PIWIL2: variants seen among roughly 807,000 people sequenced by gnomAD.
PIWIL2 encodes the protein piwi-like protein 2.
Under a neutral mutation model 116.5 loss-of-function variants are expected in PIWIL2, and 81 were observed. That is an observed-to-expected ratio of 0.70 (90% CI 0.58 to 0.84). The LOEUF (loss-of-function observed/expected upper bound fraction) is 0.84. Among genes scored for constraint, PIWIL2 ranks in the 40% least tolerant of loss-of-function variants. The pLI is 0.00. For missense variants in PIWIL2, 1,272 were observed against 1,212.3 expected (o/e 1.05, Z -0.73); for synonymous variants, 489 against 429.5 (o/e 1.14, Z -1.71).
At chr8:22,339,525 C>G (rs1281050484) in intron 20 of PIWIL2, among the ~76,000 whole-genome samples, 1 of 151,738 alleles carries the variant, frequency 6.6e-6, no homozygotes, top group Non-Finnish European at 1.5e-5. Flanking sequence ...AACTATGCAA[C>G]TGTAGACGGC....
Position 22,287,630 on chromosome 8 carries a change from T to C in PIWIL2, c.846T>C (p.Pro282=). The change falls in exon 7 of 23, where the codon CCT becomes CCC. Residue 282 remains proline (P), a synonymous_variant. Coordinates refer to ENST00000356766, the MANE Select transcript of PIWIL2 (RefSeq NM_018068.5). ...TAFDGSILYL[P]VKLQQVLELK... is the part of the protein sequence containing the mutation. ...TTGATGGATCTATTCTCTATCTGCC[T>C]GTTAAGCTTCAACAAGTGAGACCAA... The C allele has an allele frequency of 6.2e-7, 1 of 1,602,372 alleles. No homozygotes were observed. The highest frequency in any genetic ancestry group is 8.6e-7 in the Non-Finnish European group (1 of 1,169,190).
chr8:22,323,587 A>G (rs1831658055), intron 20 of PIWIL2, among the ~76,000 whole-genome samples: 1 of 152,120 alleles, frequency 6.6e-6, no homozygotes, highest in Admixed American at 6.5e-5. Context: ...TAATTTCCCA[A>G]CACAATTGAT....
chr8:22,318,402 C>A, intron 20 of PIWIL2, 127 bp downstream of exon 20: 1 of 573,050 alleles, frequency 1.7e-6, no homozygotes, highest in East Asian at 3.0e-5. Context: ...ACTGCAACCT[C>A]TGCCTCCTGG....
chr8:22,287,116 C>T (rs866919074), intron 6 of PIWIL2, among the ~76,000 whole-genome samples: 2 of 151,730 alleles, frequency 1.3e-5, no homozygotes, highest in African/African-American at 4.8e-5. Context: ...GAGAAGTCTT[C>T]CTCTTAAAAT....
chr8:22,335,221 A>T (rs1166935613), intron 20 of PIWIL2, among the ~76,000 whole-genome samples: 1 of 152,200 alleles, frequency 6.6e-6, no homozygotes, highest in East Asian at 1.9e-4. Flanking sequence ...TGTAAGGGAT[A>T]GAAGAACAAA....
intron 16 of PIWIL2, among the ~76,000 whole-genome samples, chr8:22,311,650 G>T (rs1480264286): frequency 1.3e-5 from 2 of 152,192 alleles, no homozygotes; most frequent in African/African-American, 4.8e-5. Context: ...AGCTGCCTCA[G>T]TCCGGCCTGG....
chr8:22,282,068 C>G (rs1403302854), intron 4 of PIWIL2, among the ~76,000 whole-genome samples: 1 of 128,252 alleles, frequency 7.8e-6, no homozygotes, highest in Non-Finnish European at 1.6e-5. Context: ...CCCCACTGTG[C>G]GTGGACTTTT....
At chr8:22,326,517 T>C (rs1331210778) in intron 20 of PIWIL2, among the ~76,000 whole-genome samples, 1 of 152,244 alleles carries the variant, frequency 6.6e-6, no homozygotes, top group Non-Finnish European at 1.5e-5. Flanking sequence ...CACCTTCTCC[T>C]AATTTCTGGT....
chr8:22,351,477 AT>A (rs1832359586), intron 20 of PIWIL2, among the ~76,000 whole-genome samples: 1 of 112,084 alleles, frequency 8.9e-6, no homozygotes, highest in African/African-American at 3.3e-5. Flanking sequence ...ATATATATAT[AT>A]ATATAATTTA....
intron 7 of PIWIL2, among the ~76,000 whole-genome samples, chr8:22,288,133 C>T (rs1830671765): frequency 6.6e-6 from 1 of 151,862 alleles, no homozygotes; most frequent in African/African-American, 2.4e-5. Context: ...CCTGTCTCTA[C>T]TAAAAATAAA....
intron 10 of PIWIL2, among the ~76,000 whole-genome samples, chr8:22,298,932 C>T (rs1370274628): frequency 6.6e-6 from 1 of 152,004 alleles, no homozygotes; most frequent in Non-Finnish European, 1.5e-5. Context: ...AAGGGGATGA[C>T]GTTGATTAGT....
At chr8:22,316,437 A>G in intron 19 of PIWIL2, 104 bp downstream of exon 19, 1 of 751,538 alleles carries the variant, frequency 1.3e-6, no homozygotes, top group Non-Finnish European at 2.3e-6. Flanking sequence ...TACAATATAA[A>G]GATTTCTAAA....
chr8:22,298,710 G>C (rs934272570), intron 10 of PIWIL2, among the ~76,000 whole-genome samples: 3 of 152,168 alleles, frequency 2.0e-5, no homozygotes, highest in Non-Finnish European at 4.4e-5. Context: ...AAATAAAGCT[G>C]AATTTCTTGC....
intron 16 of PIWIL2, among the ~76,000 whole-genome samples, chr8:22,312,696 A>G (rs1309995427): frequency 6.6e-6 from 1 of 152,144 alleles, no homozygotes; most frequent in African/African-American, 2.4e-5. Context: ...GCTAAAGTAC[A>G]GTGGCATGAT....
At chr8:22,353,319 C>G in intron 21 of PIWIL2, 107 bp downstream of exon 21, 6 of 933,004 alleles carry the variant, frequency 6.4e-6, no homozygotes, top group Non-Finnish European at 9.9e-6. Context: ...GGACTAGAAT[C>G]TCAGAGAGGC....
chr8:22,333,053 A>AT lies in PIWIL2; in HGVS notation c.2403+14779dup, dbSNP rs1393532370. On this transcript the variant is annotated intron_variant, in intron 20 of 22. Transcript: ENST00000356766. ...TCAGGAAGAAGTAAATGATGTCCTGATATTCATAGGTCTTTGAATTGTTGA... is the reference window on the plus strand; with the variant it reads ...TCAGGAAGAAGTAAATGATGTCCTGATTATTCATAGGTCTTTGAATTGTTGA... Among the ~76,000 whole-genome samples the AT allele has an allele frequency of 5.3e-5, 8 of 152,134 alleles. 1 individual carries two copies.
intron 20 of PIWIL2, among the ~76,000 whole-genome samples, chr8:22,351,210 T>C (rs1036520748): frequency 1.3e-5 from 2 of 151,388 alleles, no homozygotes; most frequent in Admixed American, 1.3e-4. Flanking sequence ...TTCCAGCTAC[T>C]TGACAGGCTG....
intron 20 of PIWIL2, among the ~76,000 whole-genome samples, chr8:22,323,086 G>GT (rs1831640938): frequency 6.9e-6 from 1 of 144,850 alleles, no homozygotes; most frequent in Non-Finnish European, 1.5e-5. Flanking sequence ...GCTAATTTTT[G>GT]TATTTTCAGT....
intron 20 of PIWIL2, among the ~76,000 whole-genome samples, chr8:22,338,397 A>G (rs1448944842): frequency 2.0e-5 from 3 of 152,210 alleles, no homozygotes; most frequent in East Asian, 1.9e-4. Context: ...ATTTGGAATT[A>G]AAAACATTAA....
Sources: allele counts gnomAD v4.1 joint callset (sites outside exome capture counted in the v4.1 genomes callset), GRCh38; gene constraint gnomAD v4.1.1; transcripts MANE v1.5; gene names NCBI Gene and HGNC (gene_info 2026-07-23, HGNC 2026-07-21).